Variants in SHH observed in about 807,000 individuals in gnomAD.
SHH encodes sonic hedgehog signaling molecule.
Under a neutral mutation model 16.6 loss-of-function variants are expected in SHH, and 3 were observed. The ratio of observed to expected loss-of-function variants is 0.18; its 90% confidence interval spans 0.08 to 0.47. The LOEUF (loss-of-function observed/expected upper bound fraction) is 0.47. Ranked by LOEUF, SHH falls within the 20% of genes least tolerant of loss-of-function variation. The pLI is 0.98. For missense variants in SHH, 499 were observed against 665.0 expected (o/e 0.75, Z 2.75); for synonymous variants, 351 against 316.2 (o/e 1.11, Z -1.17).
rs1803457177 is a variant in SHH, at chr7:155,809,622, C to A, written c.300+2201G>T. On this transcript the variant is annotated intron_variant, in intron 1 of 2. Transcript: ENST00000297261. The surrounding 1 kb of genome is among the most constrained non-coding windows in gnomAD (Gnocchi z 6.1). Reference sequence around the variant, plus strand: ...ATAATCCCGGCCTGGCTCTCCTCACCCAACCCCCACTTGGGCCGTCCTTCC... The same window carrying A: ...ATAATCCCGGCCTGGCTCTCCTCACACAACCCCCACTTGGGCCGTCCTTCC... 6.6e-6 allele frequency among the ~76,000 whole-genome samples: 1 copy of A among 152,196 alleles called. No homozygotes were observed. Among genetic ancestry groups the A allele is most frequent in the Admixed American group, 6.5e-5 (1 of 15,286 alleles).
In SHH at chr7:155,806,281, C is replaced by T. The variant is rs560605530; in HGVS notation, c.562+15G>A. 7 of 1,613,022 alleles carry T rather than the reference C, an allele frequency of 4.3e-6. No homozygotes were observed. In the African/African-American group the frequency reaches 6.7e-5, roughly 15 times the overall value. ...CCTTCCTTGGGTCGGATCCGGGGGG[C>T]CAGGGCCAGCTTACCTGCTTTCACC... On this transcript the variant is annotated intron_variant, in intron 2 of 2. Coordinates refer to ENST00000297261, the MANE Select transcript of SHH (RefSeq NM_000193.4).
chr7:155,802,549 T>C lies in SHH; in HGVS notation c.*351A>G, dbSNP rs1207827759. ...CCCGTGAGTACAGTTCACATGATCA[T>C]AATAAATTATCCAAGAAACAAACTA... is the stretch of plus-strand genomic sequence containing the variant. On this transcript the variant is annotated 3_prime_UTR_variant, in exon 3 of 3. Transcript: ENST00000297261. 1 of 179,708 alleles carries C rather than the reference T, an allele frequency of 5.6e-6. No homozygotes were observed. The highest frequency in any genetic ancestry group is 1.2e-5 in the Non-Finnish European group (1 of 86,480). 11.1% of individuals were successfully genotyped at this position (179,708 alleles called of 1,614,324 possible). A position where few individuals can be genotyped will look rare whatever the true frequency, so the allele number is the denominator to read the frequency against.
rs1314429770 is a variant in SHH, at chr7:155,806,277, G to A, written c.562+19C>T. On this transcript the variant is annotated intron_variant, in intron 2 of 2. Transcript: ENST00000297261. ...ATGGCCTTCCTTGGGTCGGATCCGG[G>A]GGGCCAGGGCCAGCTTACCTGCTTT... 6.2e-7 allele frequency: 1 copy of A among 1,613,038 alleles called. No homozygotes were observed. The highest frequency in any genetic ancestry group is 1.3e-5 in the African/African-American group (1 of 75,076).
chr7:155,806,687 G>A lies in SHH; in HGVS notation c.301-130C>T, dbSNP rs1165525578. 4.2e-6 allele frequency: 5 copies of A among 1,203,042 alleles called. No homozygotes were observed. The South Asian group carries it at 5.0e-5, about 12-fold the overall frequency. 74.5% of individuals were successfully genotyped at this position (1,203,042 alleles called of 1,614,324 possible). On this transcript the variant is annotated intron_variant, in intron 1 of 2. Coordinates refer to ENST00000297261, the MANE Select transcript of SHH (RefSeq NM_000193.4). ...GGCCATGCGGAGAGGTGGGGAGACG[G>A]GGGTTGGAATGGCCCAGACACACCG...
chr7:155,805,670 C>G (rs945398584), intron 2 of SHH, among the ~76,000 whole-genome samples: 2 of 152,142 alleles, frequency 1.3e-5, no homozygotes, highest in Non-Finnish European at 2.9e-5. Context: ...CGACTCGGGC[C>G]GGCGTTTCGG....
chr7:155,802,076 C>CAAAAAAAAAAAAAAAAA lies in SHH; in HGVS notation c.*807_*823dup, dbSNP rs10596345. On this transcript the variant is annotated 3_prime_UTR_variant, in exon 3 of 3. Transcript: ENST00000297261. ...AAAATAACAGTTCTTCCAGTTTGTC[C>CAAAAAAAAAAAAAAAAA]AAAAAAAAAAAAAAAAAAAAAAAAG... The CAAAAAAAAAAAAAAAAA allele has an allele frequency of 6.5e-4, 59 of 91,198 alleles. 1 individual carries two copies. Among genetic ancestry groups the CAAAAAAAAAAAAAAAAA allele is most frequent in the African/African-American group, 1.6e-3 (37 of 22,652 alleles). The allele number at this position is 91,198 out of a possible 1,614,324, so 5.6% of individuals were successfully genotyped here.
Position 155,801,182 on chromosome 7 carries a change from G to A in SHH, c.*1718C>T, listed in dbSNP as rs781672011. 8 of 153,990 alleles carry A rather than the reference G, an allele frequency of 5.2e-5. No homozygotes were observed. Among genetic ancestry groups the A allele is most frequent in the East Asian group, 1.9e-4 (1 of 5,222 alleles). The allele number at this position is 153,990 out of a possible 1,614,324, so 9.5% of individuals were successfully genotyped here. ...CAGGGATCAAAGTCCACGCCCGACC[G>A]CCATGTGACACAGACAACCAGTGTA... On this transcript the variant is annotated 3_prime_UTR_variant, in exon 3 of 3. Transcript: ENST00000297261.
At chr7:155,805,039 C>T (rs750213119) in intron 2 of SHH, among the ~76,000 whole-genome samples, 20 of 152,138 alleles carry the variant, frequency 1.3e-4, no homozygotes, top group Admixed American at 7.2e-4. Context: ...GCGCCCCGCG[C>T]CCCCGCCCGT....
In SHH at chr7:155,807,015, C is replaced by A. The variant is rs946389181; in HGVS notation, c.301-458G>T. On this transcript the variant is annotated intron_variant, in intron 1 of 2. Coordinates refer to ENST00000297261, the MANE Select transcript of SHH (RefSeq NM_000193.4). The surrounding 1 kb of genome is among the most constrained non-coding windows in gnomAD (Gnocchi z 7.1). ...CTGCGCAGCCTCCACCTTCTCCCCG[C>A]GTAGAATCCCTCACAGCAGGCCTGA... The A allele has an allele frequency of 7.2e-6, 2 of 278,122 alleles. No individual in the cohort carries two copies. Among genetic ancestry groups the A allele is most frequent in the Non-Finnish European group, 1.4e-5 (2 of 142,064 alleles). 17.2% of individuals were successfully genotyped at this position (278,122 alleles called of 1,614,324 possible).
chr7:155,811,920 C>T lies in SHH; in HGVS notation c.203G>A (p.Arg68Lys). Residue 68 changes from arginine (R) to lysine (K), a missense_variant, in exon 1 of 3, where the codon AGA becomes AAA. Transcript: ENST00000297261. The stretch of plus-strand genomic sequence containing the variant: ...GAGTTCCTTAAATCGCTCGGAGTTT[C>T]TGGAGATCTTCCCTTCATACCTTCC... The part of the protein sequence containing the change: ...ASGRYEGKIS[R>K]NSERFKELTP... The T allele has an allele frequency of 6.2e-7, 1 of 1,614,130 alleles. No individual in the cohort carries two copies. The highest frequency in any genetic ancestry group is 8.5e-7 in the Non-Finnish European group (1 of 1,180,024).
chr7:155,800,911 G>A lies in SHH; in HGVS notation c.*1989C>T, dbSNP rs1171570737. ...GCCTGGACCACCTTCTACACAGGCT[G>A]CAGCTGCTGGGAGGCCCCAAGCTCA... On this transcript the variant is annotated 3_prime_UTR_variant, in exon 3 of 3. Coordinates refer to ENST00000297261, the MANE Select transcript of SHH (RefSeq NM_000193.4). 3 of 269,398 alleles carry A rather than the reference G, an allele frequency of 1.1e-5. No homozygotes were observed. In the East Asian group the frequency reaches 2.8e-4, roughly 25 times the overall value. 16.7% of individuals were successfully genotyped at this position (269,398 alleles called of 1,614,324 possible).
At position 155,812,209 on chromosome 7, in the gene SHH, C is replaced by G. The variant is rs1341705029; in HGVS notation, c.-87G>C. The stretch of plus-strand genomic sequence containing the variant: ...CGGCGGGTGTGTGCGTGTGCGCTCT[C>G]TCTTGCGCTTTCCCTTCCTCGCTCC... On this transcript the variant is annotated 5_prime_UTR_variant, in exon 1 of 3. Transcript: ENST00000297261. 12 of 1,300,492 alleles carry G rather than the reference C, an allele frequency of 9.2e-6. No homozygotes were observed. Among genetic ancestry groups the G allele is most frequent in the Admixed American group, 1.7e-5 (1 of 58,442 alleles). The allele number at this position is 1,300,492 out of a possible 1,614,324, so 80.6% of individuals were successfully genotyped here. A position where few individuals can be genotyped will look rare whatever the true frequency, so the allele number is the denominator to read the frequency against.
intron 1 of SHH, chr7:155,806,940 C>A: frequency 2.8e-5 from 7 of 250,018 alleles, no homozygotes; most frequent in East Asian, 9.0e-5. Flanking sequence ...CCGCCCCGCC[C>A]CCACGTTGCC....
At position 155,812,247 on chromosome 7, in the gene SHH, C is replaced by T. The variant is rs9333594; in HGVS notation, c.-125G>A. On this transcript the variant is annotated 5_prime_UTR_variant, in exon 1 of 3. Coordinates refer to ENST00000297261, the MANE Select transcript of SHH (RefSeq NM_000193.4). ...CCTTCCTCGCTCCGGCTCGCCCGCT[C>T]GCTCTCTCCCTCGCTGGCTGCCTCG... 55,522 of 905,020 alleles carry T rather than the reference C, an allele frequency of 0.061. 1,968 individuals carry two copies. Among genetic ancestry groups the T allele is most frequent in the African/African-American group, 0.12 (7,387 of 61,202 alleles). The allele number at this position is 905,020 out of a possible 1,614,324, so 56.1% of individuals were successfully genotyped here. A position where few individuals can be genotyped will look rare whatever the true frequency, so the allele number is the denominator to read the frequency against.
chr7:155,811,375 C>A (rs1391303857), intron 1 of SHH, among the ~76,000 whole-genome samples: 1 of 152,220 alleles, frequency 6.6e-6, no homozygotes, highest in Non-Finnish European at 1.5e-5. Context: ...AGCTCCAATG[C>A]CCAAGGCTAC....
rs773945644 is a variant in SHH, at chr7:155,803,426, G to T, written c.863C>A (p.Ser288Tyr). 6.5e-6 allele frequency: 10 copies of T among 1,531,284 alleles called. No individual in the cohort carries two copies. The allele number at this position is 1,531,284 out of a possible 1,614,324, so 94.9% of individuals were successfully genotyped here. ...NDSATGEPEA[S>Y]SGSGPPSGGA... is the part of the protein sequence containing the mutation. ...CCCGGAAGGCGGCCCCGAGCCCGAGGACGCCTCGGGCTCCCCGGTGGCCGA... is the reference window on the plus strand; with the variant it reads ...CCCGGAAGGCGGCCCCGAGCCCGAGTACGCCTCGGGCTCCCCGGTGGCCGA... The change falls in exon 3 of 3, where the codon TCC becomes TAC. Residue 288 changes from serine to tyrosine, a missense_variant. Transcript: ENST00000297261.
In SHH at chr7:155,801,791, A is replaced by G. The variant is rs1803185927; in HGVS notation, c.*1109T>C. 1 of 152,226 alleles carries G rather than the reference A, an allele frequency of 6.6e-6. No homozygotes were observed. The highest frequency in any genetic ancestry group is 1.5e-5 in the Non-Finnish European group (1 of 68,036). 9.4% of individuals were successfully genotyped at this position (152,226 alleles called of 1,614,324 possible). On this transcript the variant is annotated 3_prime_UTR_variant, in exon 3 of 3. Transcript: ENST00000297261. The stretch of plus-strand genomic sequence containing the variant: ...TAGGTTTCCCAAACAAAGAAGCCAA[A>G]AACTAAAAGAAAAAGGGCTGCAACA...
At chr7:155,805,212 G>A (rs995888375) in intron 2 of SHH, among the ~76,000 whole-genome samples, 4 of 152,038 alleles carry the variant, frequency 2.6e-5, no homozygotes, top group African/African-American at 7.2e-5. Context: ...CGCAGGGGGC[G>A]CCCTGGGCCC....
chr7:155,803,455 G>C lies in SHH; in HGVS notation c.834C>G (p.Asn278Lys). Residue 278 changes from asparagine to lysine, a missense_variant, in exon 3 of 3, where the codon AAC becomes AAG. Physicochemically the swap from Asn to Lys is moderately conservative, Grantham distance 94 (BLOSUM62 0). Coordinates refer to ENST00000297261, the MANE Select transcript of SHH (RefSeq NM_000193.4). ...AAHLLFVAPH[N>K]DSATGEPEAS... ...CCTCGGGCTCCCCGGTGGCCGAGTCGTTGTGCGGCGCCACAAAGAGCAGGT... is the reference window on the plus strand; with the variant it reads ...CCTCGGGCTCCCCGGTGGCCGAGTCCTTGTGCGGCGCCACAAAGAGCAGGT... 1 of 1,548,076 alleles carries C rather than the reference G, an allele frequency of 6.5e-7. No homozygotes were observed. Among genetic ancestry groups the C allele is most frequent in the Non-Finnish European group, 8.7e-7 (1 of 1,151,468 alleles).
Sources: gnomAD v4.1 joint callset for allele counts (sites outside exome capture counted in the v4.1 genomes callset) on GRCh38, gnomAD v4.1.1 for gene constraint, Gnocchi (gnomAD v3.1) non-coding constraint, MANE v1.5 for transcripts, NCBI Gene and HGNC (gene_info 2026-07-23, HGNC 2026-07-21) for gene names.